NINJ2: variants seen among roughly 807,000 people sequenced by gnomAD.
The protein encoded by NINJ2 is ninjurin-2.
In NINJ2, 12 loss-of-function variants were observed where a neutral mutation model predicts 11.7. The observed-to-expected ratio is 1.02, with a 90% CI of 0.66 to 1.66. NINJ2 has a LOEUF of 1.66. NINJ2 is among the 40% of genes most tolerant of loss of function. The probability of loss-of-function intolerance (pLI) is 0.00; values close to 1 mark genes in which losing one functional copy is unlikely to be tolerated. For missense variants in NINJ2, 187 were observed against 181.8 expected, an observed-to-expected ratio of 1.03 and a Z score of -0.16; for synonymous variants, 93 against 76.8, an observed-to-expected ratio of 1.21 and a Z score of -1.10.
chr12:642,744 G>A (rs936412764), intron 1 of NINJ2: 3 of 152,230 alleles, frequency 2.0e-5, no homozygotes, highest in Non-Finnish European at 4.4e-5. Context: ...AAAAGGTGAG[G>A]GCGGCCCTGG....
rs116647336 is a variant in NINJ2, at chr12:616,829, C to T, written c.33+46499G>A. Among the ~76,000 whole-genome samples the T allele has an allele frequency of 4.9e-3, 744 of 152,280 alleles. 10 individuals carry two copies. Among genetic ancestry groups the T allele is most frequent in the African/African-American group, 0.017 (708 of 41,538 alleles). On this transcript the variant is annotated intron_variant, in intron 1 of 3. Coordinates refer to ENST00000305108, the MANE Select transcript of NINJ2 (RefSeq NM_016533.6). ...GTGGAGACAAGAATCCCTAGTTGAA[C>T]CAATGAAGGATCAAAAGACGCTAAA... is the stretch of plus-strand genomic sequence containing the variant.
intron 1 of NINJ2, among the ~76,000 whole-genome samples, chr12:626,576 T>C (rs1948212494): frequency 6.6e-6 from 1 of 151,794 alleles, no homozygotes; most frequent in African/African-American, 2.4e-5. Context: ...CTTAAAAGAG[T>C]TTCACTCTAG....
intron 1 of NINJ2, among the ~76,000 whole-genome samples, chr12:651,369 T>C (rs1286527548): frequency 6.6e-6 from 1 of 152,178 alleles, no homozygotes; most frequent in African/African-American, 2.4e-5. Flanking sequence ...ACTCTAGCTG[T>C]CCTGACCCAC....
At chr12:607,540 G>A (rs1434136308) in intron 1 of NINJ2, among the ~76,000 whole-genome samples, 1 of 152,220 alleles carries the variant, frequency 6.6e-6, no homozygotes, top group Non-Finnish European at 1.5e-5. Context: ...CCAGGAGCCT[G>A]TTGGGTTACT....
intron 1 of NINJ2, chr12:610,699 C>A: frequency 2.0e-4 from 109 of 548,754 alleles, no homozygotes; most frequent in Non-Finnish European, 2.3e-4. Context: ...TGGGCTATGA[C>A]AAGGACAACC....
At chr12:621,857 C>A (rs9738599) in intron 1 of NINJ2, among the ~76,000 whole-genome samples, 2 of 149,010 alleles carry the variant, frequency 1.3e-5, no homozygotes, top group Admixed American at 6.6e-5. Flanking sequence ...AGTGTGGCCA[C>A]GCACTGTGGC....
chr12:565,207 C>T lies in NINJ2; in HGVS notation c.*18+10G>A, dbSNP rs375557548. 20 of 1,595,550 alleles carry T rather than the reference C, an allele frequency of 1.3e-5. No homozygotes were observed. Among genetic ancestry groups the T allele is most frequent in the Non-Finnish European group, 1.6e-5 (19 of 1,168,924 alleles). Reference sequence around the variant, plus strand: ...GTCCCTGGAGCTGGGGTTCCTCCATCCTCCCTCACCTGGGTCCCAGGCTGC... The same window carrying T: ...GTCCCTGGAGCTGGGGTTCCTCCATTCTCCCTCACCTGGGTCCCAGGCTGC... On this transcript the variant is annotated intron_variant, in intron 3 of 3. Coordinates refer to ENST00000305108, the MANE Select transcript of NINJ2 (RefSeq NM_016533.6).
intron 1 of NINJ2, among the ~76,000 whole-genome samples, chr12:625,994 G>C (rs767077864): frequency 1.1e-4 from 16 of 152,208 alleles, no homozygotes; most frequent in Admixed American, 1.3e-4. Flanking sequence ...GAGGGATTAG[G>C]CTGTAAGAGT....
chr12:599,587 A>G (rs542529245), intron 1 of NINJ2, among the ~76,000 whole-genome samples: 2 of 152,292 alleles, frequency 1.3e-5, no homozygotes, highest in East Asian at 1.9e-4. Flanking sequence ...CCCCCCATTT[A>G]CTGGTGAGAA....
At chr12:655,758 C>A (rs1415015914) in intron 1 of NINJ2, among the ~76,000 whole-genome samples, 6 of 151,548 alleles carry the variant, frequency 4.0e-5, no homozygotes, top group Admixed American at 3.9e-4. Context: ...ACTAAAAATA[C>A]AAAAATTAGC....
intron 1 of NINJ2, among the ~76,000 whole-genome samples, chr12:611,226 T>C (rs191830243): frequency 6.9e-4 from 95 of 138,412 alleles, no homozygotes; most frequent in South Asian, 3.3e-3. Context: ...TCTTTCTTTC[T>C]TTTTCTTTCT....
At position 581,996 on chromosome 12, in the gene NINJ2, G is replaced by T. The variant is rs1471774523; in HGVS notation, c.34-15818C>A. Among the ~76,000 whole-genome samples, 1 of 152,124 alleles carries T rather than the reference G, an allele frequency of 6.6e-6. No individual in the cohort carries two copies. Among genetic ancestry groups the T allele is most frequent in the Non-Finnish European group, 1.5e-5 (1 of 68,020 alleles). On this transcript the variant is annotated intron_variant, in intron 1 of 3. Transcript: ENST00000305108. The surrounding 1 kb of genome is among the most constrained non-coding windows in gnomAD (Gnocchi z 4.9). Reference sequence around the variant, plus strand: ...CTGGCTCCCTGCACTGACCCCATGTGCGGCCAGGCTCCCTGTGCATCCCCC... The same window carrying T: ...CTGGCTCCCTGCACTGACCCCATGTTCGGCCAGGCTCCCTGTGCATCCCCC...
intron 1 of NINJ2, chr12:643,043 C>A: frequency 6.5e-6 from 1 of 153,074 alleles, no homozygotes. Context: ...GCCATTCCCC[C>A]GAGTCGGCCC....
At chr12:600,157 C>T (rs1327742804) in intron 1 of NINJ2, among the ~76,000 whole-genome samples, 3 of 152,152 alleles carry the variant, frequency 2.0e-5, no homozygotes, top group South Asian at 2.1e-4. Context: ...CTTGGGAGGT[C>T]CTTGCAGCTG....
chr12:593,935 A>T (rs1947749735), intron 1 of NINJ2, among the ~76,000 whole-genome samples: 2 of 152,016 alleles, frequency 1.3e-5, no homozygotes, highest in African/African-American at 2.4e-5. Context: ...ATAGAGGGAA[A>T]CTTCCTCAAC....
In NINJ2 at chr12:633,290, C is replaced by A. The variant is rs1191385617; in HGVS notation, c.33+30038G>T. On this transcript the variant is annotated intron_variant, in intron 1 of 3. Coordinates refer to ENST00000305108, the MANE Select transcript of NINJ2 (RefSeq NM_016533.6). The surrounding 1 kb of genome is among the most constrained non-coding windows in gnomAD (Gnocchi z 4.3). Reference sequence around the variant, plus strand: ...AGGTGGATGGATCACCTGAAGTCAGCAGTTCAAGACCAACTTGGCCAACAT... The same window carrying A: ...AGGTGGATGGATCACCTGAAGTCAGAAGTTCAAGACCAACTTGGCCAACAT... 6.6e-6 allele frequency among the ~76,000 whole-genome samples: 1 copy of A among 151,936 alleles called. No homozygotes were observed. The highest frequency in any genetic ancestry group is 1.5e-5 in the Non-Finnish European group (1 of 67,986).
intron 1 of NINJ2, among the ~76,000 whole-genome samples, chr12:576,075 C>T (rs1947454679): frequency 6.6e-6 from 1 of 152,196 alleles, no homozygotes; most frequent in African/African-American, 2.4e-5. Context: ...GTCTCTAATC[C>T]ACGTCGGGGT....
chr12:578,324 C>T (rs1424507108), intron 1 of NINJ2, among the ~76,000 whole-genome samples: 1 of 152,082 alleles, frequency 6.6e-6, no homozygotes, highest in Non-Finnish European at 1.5e-5. Context: ...AACTCGGTGC[C>T]TGAGGGGTGT....
At chr12:592,347 C>G (rs1401760502) in intron 1 of NINJ2, among the ~76,000 whole-genome samples, 2 of 152,132 alleles carry the variant, frequency 1.3e-5, no homozygotes, top group African/African-American at 4.8e-5. Flanking sequence ...GAATATCCAA[C>G]AAACAGGTGT....
Sources: allele counts gnomAD v4.1 joint callset (sites outside exome capture counted in the v4.1 genomes callset), GRCh38; gene constraint gnomAD v4.1.1; non-coding constraint Gnocchi (gnomAD v3.1); transcripts MANE v1.5; gene names NCBI Gene and HGNC (gene_info 2026-07-23, HGNC 2026-07-21).